Variants in USP26 observed in about 807,000 individuals in gnomAD.
The protein encoded by USP26 is ubiquitin specific peptidase 26.
For synonymous variants in USP26, 236 were observed against 240.6 expected (o/e 0.98, Z 0.18); for missense variants, 649 against 642.3 (o/e 1.01, Z -0.11).
chrX:133,031,980 C>G (rs1173395465), intron 5 of USP26, among the ~76,000 whole-genome samples: 1 of 110,874 alleles, frequency 9.0e-6, no homozygotes, highest in Non-Finnish European at 1.9e-5. Flanking sequence ...AATCCTGTCT[C>G]TACTAAAAAT....
In USP26 at chrX:133,027,257, C is replaced by A. The variant is rs2067355455; in HGVS notation, c.964G>T (p.Asp322Tyr). 1 of 1,209,661 alleles carries A rather than the reference C, an allele frequency of 8.3e-7. No homozygotes were observed. The highest frequency in any genetic ancestry group is 1.7e-5 in the African/African-American group (1 of 57,277). The change falls in exon 6 of 6, where the codon GAT becomes TAT. Residue 322 changes from aspartate (D) to tyrosine (Y), a missense_variant. Coordinates refer to ENST00000511190, the MANE Select transcript of USP26 (RefSeq NM_031907.3). ...CATGGGAAACTCTGATTAAGTAAAT[C>A]ATCAGCAAACGATGGGATTGAAAGT... is the stretch of plus-strand genomic sequence containing the variant. ...SLLSIPSFAD[D>Y]LLNQSFPWGK...
intron 5 of USP26, among the ~76,000 whole-genome samples, chrX:133,052,451 G>A (rs749340453): frequency 1.8e-5 from 2 of 111,763 alleles, no homozygotes; most frequent in African/African-American, 3.3e-5. Context: ...TGTGACTACC[G>A]AAAAGGTGGA....
intron 5 of USP26, among the ~76,000 whole-genome samples, chrX:133,081,658 G>C (rs1296784567): frequency 8.9e-6 from 1 of 111,952 alleles, no homozygotes; most frequent in African/African-American, 3.3e-5. Flanking sequence ...CCAGCTTTTT[G>C]CCCAAGTGTT....
At chrX:133,093,980 CAAAAAA>C (rs11327414) in intron 1 of USP26, among the ~76,000 whole-genome samples, 3 of 24,959 alleles carry the variant, frequency 1.2e-4, no homozygotes, top group South Asian at 9.3e-3. Context: ...GACCCTGTCT[CAAAAAA>C]AAAAAAAAAA....
intron 5 of USP26, among the ~76,000 whole-genome samples, chrX:133,080,021 G>C (rs2067564499): frequency 9.0e-6 from 1 of 111,174 alleles, no homozygotes; most frequent in South Asian, 3.8e-4. Flanking sequence ...CAGAGGAAAG[G>C]CACATCAAAG....
intron 5 of USP26, among the ~76,000 whole-genome samples, chrX:133,053,144 C>T (rs138409892): frequency 1.9e-3 from 213 of 111,895 alleles, no homozygotes; most frequent in Non-Finnish European, 3.4e-3. Context: ...TCAGAATATA[C>T]GGTTATTCTA....
intron 4 of USP26, among the ~76,000 whole-genome samples, chrX:133,089,817 G>A (rs1010834308): frequency 8.9e-6 from 1 of 112,074 alleles, no homozygotes; most frequent in Non-Finnish European, 1.9e-5. Flanking sequence ...AGAGTTAGTT[G>A]GGAACTAAGG....
intron 5 of USP26, among the ~76,000 whole-genome samples, chrX:133,033,779 G>C (rs1179710144): frequency 8.9e-6 from 1 of 111,946 alleles, no homozygotes; most frequent in African/African-American, 3.2e-5. Flanking sequence ...TTGATACCTA[G>C]TCAACTATGG....
chrX:133,061,399 G>A (rs890722951), intron 5 of USP26, among the ~76,000 whole-genome samples: 2 of 112,578 alleles, frequency 1.8e-5, no homozygotes, highest in African/African-American at 6.4e-5. Flanking sequence ...TGGAAGACAT[G>A]CTGACACGCC....
At chrX:133,043,356 C>T (rs753507720) in intron 5 of USP26, among the ~76,000 whole-genome samples, 10 of 112,448 alleles carry the variant, frequency 8.9e-5, no homozygotes, top group African/African-American at 2.9e-4. Flanking sequence ...GTCCTTTTCC[C>T]TCACACTGTT....
intron 5 of USP26, among the ~76,000 whole-genome samples, chrX:133,055,697 A>G (rs2067472723): frequency 8.9e-6 from 1 of 111,811 alleles, no homozygotes; most frequent in Non-Finnish European, 1.9e-5. Context: ...ACAGTTCTGG[A>G]GGCTGCAAAG....
chrX:133,088,817 G>C (rs1456015348), intron 4 of USP26, among the ~76,000 whole-genome samples: 1 of 112,035 alleles, frequency 8.9e-6, no homozygotes, highest in Non-Finnish European at 1.9e-5. Flanking sequence ...TGTGCAAAAG[G>C]AGAAGGTGTC....
chrX:133,072,289 C>T (rs2067533035), intron 5 of USP26, among the ~76,000 whole-genome samples: 1 of 112,198 alleles, frequency 8.9e-6, no homozygotes, highest in Non-Finnish European at 1.9e-5. Flanking sequence ...CTATGATAAC[C>T]CTGTTCTGTG....
intron 5 of USP26, among the ~76,000 whole-genome samples, chrX:133,047,819 C>T (rs182469670): frequency 9.0e-6 from 1 of 111,611 alleles, no homozygotes; most frequent in African/African-American, 3.3e-5. Flanking sequence ...AGAAGAGTGC[C>T]CTTACTAGAC....
chrX:133,055,216 G>A (rs1394986932), intron 5 of USP26, among the ~76,000 whole-genome samples: 8 of 111,921 alleles, frequency 7.1e-5, no homozygotes, highest in Non-Finnish European at 1.5e-4. Context: ...TGGGGTTGGG[G>A]AAGGGATGTA....
At chrX:133,063,534 G>A (rs1435556336) in intron 5 of USP26, among the ~76,000 whole-genome samples, 1 of 111,617 alleles carries the variant, frequency 9.0e-6, no homozygotes, top group Non-Finnish European at 1.9e-5. Flanking sequence ...GGATCTCTCT[G>A]CAAAAAACCT....
chrX:133,023,413 C>T lies in USP26; in HGVS notation c.*2066G>A, dbSNP rs2067332612. On this transcript the variant is annotated 3_prime_UTR_variant, in exon 6 of 6. Coordinates refer to ENST00000511190, the MANE Select transcript of USP26 (RefSeq NM_031907.3). Reference sequence around the variant, plus strand: ...TCAAGTTATTAGCATCTTCACACTCCTTTCAAAACAAAACAACTTTCCTTC... The same window carrying T: ...TCAAGTTATTAGCATCTTCACACTCTTTTCAAAACAAAACAACTTTCCTTC... Among the ~76,000 whole-genome samples, 3 of 111,729 alleles carry T rather than the reference C, an allele frequency of 2.7e-5. No homozygotes were observed. The highest frequency in any genetic ancestry group is 5.6e-5 in the Non-Finnish European group (3 of 53,165).
intron 5 of USP26, among the ~76,000 whole-genome samples, chrX:133,029,033 G>A (rs966845701): frequency 3.6e-5 from 4 of 112,521 alleles, no homozygotes; most frequent in African/African-American, 6.4e-5. Flanking sequence ...CCACTTAACC[G>A]GAGCTAGCTC....
intron 5 of USP26, among the ~76,000 whole-genome samples, chrX:133,048,145 G>C (rs1254050653): frequency 9.0e-6 from 1 of 111,530 alleles, no homozygotes; most frequent in Non-Finnish European, 1.9e-5. Context: ...AATGCTATCA[G>C]ATTTTGTCAA....
Sources: gnomAD v4.1 joint callset for allele counts (sites outside exome capture counted in the v4.1 genomes callset) on GRCh38, gnomAD v4.1.1 for gene constraint, MANE v1.5 for transcripts, NCBI Gene and HGNC (gene_info 2026-07-23, HGNC 2026-07-21) for gene names.